Variants in ZFHX3 observed in about 807,000 individuals in gnomAD.
ZFHX3 encodes the protein zinc finger homeobox protein 3.
Under a neutral mutation model 279.1 loss-of-function variants are expected in ZFHX3, and 42 were observed. The ratio of observed to expected loss-of-function variants is 0.15; its 90% confidence interval spans 0.12 to 0.19. The LOEUF is 0.19. Ranked by LOEUF, ZFHX3 falls within the 10% of genes least tolerant of loss-of-function variation. ZFHX3 has a pLI of 1.00. For missense variants in ZFHX3, 4,981 were observed against 4,754.0 expected, an observed-to-expected ratio of 1.05 and a Z score of -1.40; for synonymous variants, 2,293 against 1,957.8, an observed-to-expected ratio of 1.17 and a Z score of -4.52.
At chr16:72,998,026 G>A (rs1455310274) in intron 1 of ZFHX3, among the ~76,000 whole-genome samples, 3 of 152,138 alleles carry the variant, frequency 2.0e-5, no homozygotes, top group Admixed American at 6.5e-5. Flanking sequence ...AGGCTGCAGT[G>A]AGCCATGATT....
At chr16:73,514,812 G>C (rs1012073664) in intron 2 of ZFHX3, among the ~76,000 whole-genome samples, 7 of 152,074 alleles carry the variant, frequency 4.6e-5, no homozygotes, top group African/African-American at 1.2e-4. Context: ...CGCTGAGCTT[G>C]GTAAGGTTGT....
intron 5 of ZFHX3, among the ~76,000 whole-genome samples, chr16:73,223,966 T>G (rs925002235): frequency 1.3e-5 from 2 of 152,226 alleles, no homozygotes; most frequent in African/African-American, 4.8e-5. Context: ...CATGTCATTC[T>G]GTAAAACGCA....
chr16:73,499,796 A>G (rs911782024), intron 2 of ZFHX3: 2 of 152,200 alleles, frequency 1.3e-5, no homozygotes, highest in Non-Finnish European at 2.9e-5. Context: ...CAACGTTTCA[A>G]TCAAGGAGGG....
At chr16:73,222,455 A>G (rs545348112) in intron 5 of ZFHX3, among the ~76,000 whole-genome samples, 67 of 152,260 alleles carry the variant, frequency 4.4e-4, no homozygotes, top group Non-Finnish European at 7.9e-4. Flanking sequence ...AATTAAAAAC[A>G]GAATAATATT....
chr16:73,713,948 CAGA>C lies in ZFHX3; in HGVS notation c.-1607-33711_-1607-33709del, dbSNP rs570641750. Reference sequence around the variant, plus strand: ...AGCCTTGTTTAGAAGGCTTTCGCATCAGAAGAATAAGTACAGCCAGAGGAAGCA... The same window carrying C: ...AGCCTTGTTTAGAAGGCTTTCGCATCAGAATAAGTACAGCCAGAGGAAGCA... On this transcript the variant is annotated intron_variant, in intron 1 of 17. Coordinates refer to the ZFHX3 transcript ENST00000641206. Among the ~76,000 whole-genome samples, 741 of 152,302 alleles carry C rather than the reference CAGA, an allele frequency of 4.9e-3. 4 individuals carry two copies. Among genetic ancestry groups the C allele is most frequent in the Non-Finnish European group, 7.0e-3 (474 of 68,026 alleles).
At chr16:73,535,338 C>A (rs977778480) in intron 2 of ZFHX3, among the ~76,000 whole-genome samples, 6 of 152,168 alleles carry the variant, frequency 3.9e-5, no homozygotes, top group Non-Finnish European at 4.4e-5. Flanking sequence ...TGTTTAACAA[C>A]CTTCTCATCA....
intron 1 of ZFHX3, among the ~76,000 whole-genome samples, chr16:73,026,555 C>T (rs1710911881): frequency 6.6e-6 from 1 of 150,718 alleles, no homozygotes; most frequent in African/African-American, 2.4e-5. Context: ...CCTGTAATCC[C>T]AGCTACTTGG....
chr16:72,937,587 G>C (rs1168690390), intron 3 of ZFHX3, among the ~76,000 whole-genome samples: 1 of 152,244 alleles, frequency 6.6e-6, no homozygotes, highest in Non-Finnish European at 1.5e-5. Context: ...GGCCTTGGGT[G>C]CCAGCCCCCA....
At position 72,794,436 on chromosome 16, in the gene ZFHX3, G is replaced by T; in HGVS notation, c.8246C>A (p.Ala2749Glu). The stretch of plus-strand genomic sequence containing the variant: ...TCCCCCATCACAGTCTAAGAGCATC[G>T]CAGACAGAGTTAGGTTGTAGCCAGC... Reference protein sequence around the residue: ...KRAGYNLTLSAMLLDCDGGLQ... With the variant: ...KRAGYNLTLSEMLLDCDGGLQ... Residue 2749 changes from alanine to glutamate, a missense_variant, in exon 9 of 10, where the codon GCG becomes GAG. Transcript: ENST00000268489. This position sits in a 1 kb window ranked among gnomAD's most constrained non-coding sequence, Gnocchi z 4.2. 6.2e-7 allele frequency: 1 copy of T among 1,613,704 alleles called. No individual in the cohort carries two copies. The highest frequency in any genetic ancestry group is 8.5e-7 in the Non-Finnish European group (1 of 1,179,880).
chr16:73,245,511 G>T (rs1381047041), intron 5 of ZFHX3, among the ~76,000 whole-genome samples: 1 of 152,160 alleles, frequency 6.6e-6, no homozygotes, highest in African/African-American at 2.4e-5. Flanking sequence ...ATAAATAGAT[G>T]ATGCCTTAAA....
In ZFHX3 at chr16:72,957,626, G is replaced by A; in HGVS notation, c.2520C>T (p.Thr840=). Residue 840 remains threonine (T), a synonymous_variant, in exon 2 of 10, where the codon ACC becomes ACT. Coordinates refer to ENST00000268489, the MANE Select transcript of ZFHX3 (RefSeq NM_006885.4). ...CCAGGTGGCGGTTGTGTTGGATCTG[G>A]GTCATGTTCTGTTGCAGTAACATCA... ...HNMMLLQQNM[T]QIQHNRHLGL... is the part of the protein sequence containing the mutation. The A allele has an allele frequency of 6.2e-7, 1 of 1,614,164 alleles. No homozygotes were observed.
intron 1 of ZFHX3, among the ~76,000 whole-genome samples, chr16:73,737,733 T>C (rs566757346): frequency 6.6e-6 from 1 of 152,248 alleles, no homozygotes; most frequent in East Asian, 1.9e-4. Flanking sequence ...GTTTCAGGGA[T>C]ACGGGAGCTA....
intron 3 of ZFHX3, among the ~76,000 whole-genome samples, chr16:72,945,387 G>A (rs1960615912): frequency 6.6e-6 from 1 of 152,076 alleles, no homozygotes; most frequent in African/African-American, 2.4e-5. Flanking sequence ...GTCAGCCCAG[G>A]CTCTCAGTAA....
At chr16:72,933,873 C>T (rs1296924898) in intron 3 of ZFHX3, among the ~76,000 whole-genome samples, 2 of 139,612 alleles carry the variant, frequency 1.4e-5, no homozygotes, top group African/African-American at 5.2e-5. Flanking sequence ...GGCTGTAGTG[C>T]AGTGTCGCGA....
rs2144454293 is a variant in ZFHX3 at position 72,959,634 on chromosome 16, A to T, written c.512T>A (p.Leu171Gln). Residue 171 changes from leucine (L) to glutamine (Q), a missense_variant, in exon 2 of 10, where the codon CTG becomes CAG. By Grantham distance (113) the Leu-to-Gln change is moderately radical. Transcript: ENST00000268489. ...GCCCCCCGCGCCAGGGAGAGAGTTC[A>T]GGAAAAGCGAGGGGAGAGGCCCACT... ...SGSGPLPSLF[L>Q]NSLPGAGGKQ... The T allele has an allele frequency of 1.2e-6, 2 of 1,614,092 alleles. No homozygotes were observed. The highest frequency in any genetic ancestry group is 1.7e-6 in the Non-Finnish European group (2 of 1,180,014).
At chr16:73,331,643 C>G (rs2015807337) in intron 3 of ZFHX3, among the ~76,000 whole-genome samples, 1 of 152,132 alleles carries the variant, frequency 6.6e-6, no homozygotes, top group South Asian at 2.1e-4. Context: ...GCCTAGAATT[C>G]TTGGTACTTT....
chr16:73,267,318 C>G (rs2014004780), intron 4 of ZFHX3, among the ~76,000 whole-genome samples: 1 of 152,034 alleles, frequency 6.6e-6, no homozygotes, highest in Non-Finnish European at 1.5e-5. Flanking sequence ...TGGGGGTCAT[C>G]TTGTTTACAC....
chr16:73,222,797 G>C (rs968052073), intron 5 of ZFHX3, among the ~76,000 whole-genome samples: 2 of 152,046 alleles, frequency 1.3e-5, no homozygotes, highest in African/African-American at 4.8e-5. Context: ...CTGAAGGACA[G>C]GTACTAGCCA....
intron 1 of ZFHX3, among the ~76,000 whole-genome samples, chr16:73,757,998 A>G (rs2053828085): frequency 1.3e-5 from 2 of 152,198 alleles, no homozygotes; most frequent in Non-Finnish European, 2.9e-5. Flanking sequence ...AGTTTCAAAT[A>G]CCCCAGGTAC....
Sources: allele counts gnomAD v4.1 joint callset (sites outside exome capture counted in the v4.1 genomes callset), GRCh38; gene constraint gnomAD v4.1.1; non-coding constraint Gnocchi (gnomAD v3.1); transcripts MANE v1.5; gene names NCBI Gene and HGNC (gene_info 2026-07-23, HGNC 2026-07-21).